GABRA2: variants seen among roughly 807,000 people sequenced by gnomAD.
GABRA2 encodes the protein gamma-aminobutyric acid type A receptor subunit alpha2.
GABRA2 carries 16 observed loss-of-function variants against 48.7 expected under a neutral mutation model. The ratio of observed to expected loss-of-function variants is 0.33; its 90% CI spans 0.22 to 0.50. GABRA2 has a LOEUF of 0.50. Ranked by LOEUF, GABRA2 falls within the 20% of genes least tolerant of loss-of-function variation. The pLI, the probability that GABRA2 is intolerant of heterozygous loss-of-function variation, is 0.98. For missense variants in GABRA2, 275 were observed against 535.6 expected, an observed-to-expected ratio of 0.51 and a Z score of 4.80; for synonymous variants, 185 against 184.5, an observed-to-expected ratio of 1.00 and a Z score of -0.02.
At chr4:46,303,020 C>T (rs1726014001) in intron 8 of GABRA2, among the ~76,000 whole-genome samples, 1 of 152,082 alleles carries the variant, frequency 6.6e-6, no homozygotes. Context: ...TATTTCTTGG[C>T]CTATAAATCT....
intron 3 of GABRA2, among the ~76,000 whole-genome samples, chr4:46,382,084 G>T (rs1305996597): frequency 6.6e-6 from 1 of 151,662 alleles, no homozygotes; most frequent in Admixed American, 6.6e-5. Context: ...TGCAAAACAA[G>T]CAAAAATCCC....
At position 46,313,165 on chromosome 4, in the gene GABRA2, T is replaced by G. The variant is rs999999331; in HGVS notation, c.256-449A>C. Among the ~76,000 whole-genome samples the G allele has an allele frequency of 2.7e-5, 4 of 148,144 alleles. No individual in the cohort carries two copies. The East Asian group carries it at 7.8e-4, about 29-fold the overall frequency. On this transcript the variant is annotated intron_variant, in intron 4 of 9. Coordinates refer to ENST00000381620, the MANE Select transcript of GABRA2 (RefSeq NM_000807.4). ...TAAATAAATAAATAAATAAAATTTT[T>G]AAAAATTAAAAAGAAAAAACATAAC... is the stretch of plus-strand genomic sequence containing the variant.
At chr4:46,382,059 A>T (rs1288369975) in intron 3 of GABRA2, among the ~76,000 whole-genome samples, 1 of 152,122 alleles carries the variant, frequency 6.6e-6, no homozygotes, top group Non-Finnish European at 1.5e-5. Flanking sequence ...GGATAGATAT[A>T]TCAGTGAATC....
chr4:46,307,787 A>G (rs1026867014), intron 6 of GABRA2, among the ~76,000 whole-genome samples: 2 of 152,204 alleles, frequency 1.3e-5, no homozygotes, highest in African/African-American at 4.8e-5. Context: ...AAAAGCAGTT[A>G]CTGCACTTCA....
chr4:46,282,186 C>T (rs536206685), intron 8 of GABRA2, among the ~76,000 whole-genome samples: 3 of 152,272 alleles, frequency 2.0e-5, no homozygotes, highest in Admixed American at 1.3e-4. Context: ...CTCTTATTCT[C>T]CTTTCCATTG....
At chr4:46,328,992 A>G (rs985712335) in intron 4 of GABRA2, among the ~76,000 whole-genome samples, 1 of 152,022 alleles carries the variant, frequency 6.6e-6, no homozygotes, top group Non-Finnish European at 1.5e-5. Flanking sequence ...ATGTGAGTAA[A>G]TGCATGTGTT....
At chr4:46,292,096 G>T (rs1486395655) in intron 8 of GABRA2, among the ~76,000 whole-genome samples, 3 of 152,042 alleles carry the variant, frequency 2.0e-5, no homozygotes, top group African/African-American at 2.4e-5. Flanking sequence ...GAGAGGCAAG[G>T]ACTTTAGGGA....
At chr4:46,270,453 T>C (rs950640183) in intron 8 of GABRA2, among the ~76,000 whole-genome samples, 4 of 151,986 alleles carry the variant, frequency 2.6e-5, no homozygotes, top group Non-Finnish European at 5.9e-5. Flanking sequence ...CTACCAACAA[T>C]GTGCATTTTT....
chr4:46,263,912 TTCTC>T (rs3068324), intron 8 of GABRA2, among the ~76,000 whole-genome samples: 68,421 of 144,776 alleles, frequency 0.47, 15,829 homozygotes, highest in South Asian at 0.59. Context: ...ATTAGATCAA[TTCTC>T]TCTCTCTCTC....
At chr4:46,332,322 C>T (rs1731504961) in intron 4 of GABRA2, among the ~76,000 whole-genome samples, 1 of 152,002 alleles carries the variant, frequency 6.6e-6, no homozygotes, top group Admixed American at 6.6e-5. Flanking sequence ...CTTAATCCTC[C>T]TAGAAAATGT....
intron 3 of GABRA2, among the ~76,000 whole-genome samples, chr4:46,362,395 G>A (rs1713351013): frequency 6.6e-6 from 1 of 152,112 alleles, no homozygotes. Context: ...CCAGCCACGT[G>A]GAACTGTAAG....
chr4:46,323,131 TA>T (rs1332383598), intron 4 of GABRA2, among the ~76,000 whole-genome samples: 2 of 152,024 alleles, frequency 1.3e-5, no homozygotes, highest in South Asian at 2.1e-4. Flanking sequence ...ATTTGTCTGG[TA>T]ACAGAAAGCA....
At chr4:46,374,417 C>T (rs1481086767) in intron 3 of GABRA2, among the ~76,000 whole-genome samples, 1 of 152,048 alleles carries the variant, frequency 6.6e-6, no homozygotes, top group Non-Finnish European at 1.5e-5. Context: ...AAACCAAGTG[C>T]CTATCCAATA....
At chr4:46,377,863 G>A (rs1329848191) in intron 3 of GABRA2, among the ~76,000 whole-genome samples, 1 of 149,764 alleles carries the variant, frequency 6.7e-6, no homozygotes, top group Non-Finnish European at 1.5e-5. Context: ...GAGGTGGGGG[G>A]GTCAGCCCCC....
At chr4:46,305,917 C>G (rs545256692) in intron 6 of GABRA2, among the ~76,000 whole-genome samples, 1 of 152,254 alleles carries the variant, frequency 6.6e-6, no homozygotes, top group South Asian at 2.1e-4. Context: ...ATGACCATGA[C>G]AGTATATTCA....
At chr4:46,270,036 C>T (rs1011195167) in intron 8 of GABRA2, among the ~76,000 whole-genome samples, 60 of 151,934 alleles carry the variant, frequency 3.9e-4, no homozygotes, top group Non-Finnish European at 6.0e-4. Flanking sequence ...AAAATGTAAG[C>T]CCAAATTATG....
In GABRA2 at chr4:46,248,922, A is replaced by G. The variant is rs1436721267; in HGVS notation, c.*1386T>C. On this transcript the variant is annotated 3_prime_UTR_variant, in exon 10 of 10. Coordinates refer to ENST00000381620, the MANE Select transcript of GABRA2 (RefSeq NM_000807.4). ...TACACAATCTTTAACTTTTATTAGC[A>G]TATTTCGGGGCATAAATAATATTTT... 6.6e-6 allele frequency: 1 copy of G among 151,480 alleles called. No individual in the cohort carries two copies. The highest frequency in any genetic ancestry group is 1.9e-4 in the East Asian group (1 of 5,140). 9.4% of individuals were successfully genotyped at this position (151,480 alleles called of 1,614,324 possible). A position where few individuals can be genotyped will look rare whatever the true frequency, so the allele number is the denominator to read the frequency against.
chr4:46,284,812 A>C (rs1174539753), intron 8 of GABRA2, among the ~76,000 whole-genome samples: 1 of 151,988 alleles, frequency 6.6e-6, no homozygotes, highest in East Asian at 1.9e-4. Context: ...ATTAAAATTA[A>C]TTAAAAAATT....
At chr4:46,286,894 GGT>G (rs915416382) in intron 8 of GABRA2, among the ~76,000 whole-genome samples, 5 of 151,984 alleles carry the variant, frequency 3.3e-5, no homozygotes, top group African/African-American at 1.2e-4. Context: ...TATTTTGTAA[GGT>G]GTCTTTTTAC....
Sources: gnomAD v4.1 joint callset for allele counts (sites outside exome capture counted in the v4.1 genomes callset) on GRCh38, gnomAD v4.1.1 for gene constraint, MANE v1.5 for transcripts, NCBI Gene and HGNC (gene_info 2026-07-23, HGNC 2026-07-21) for gene names.